The following IL7 variants were observed in gnomAD, a reference collection of about 807,000 sequenced individuals.
IL7 encodes the protein interleukin 7, also known as interleukin-7.
IL7 carries 3 observed loss-of-function variants against 21.6 expected under a neutral mutation model. That is an observed-to-expected ratio of 0.14 (90% CI 0.06 to 0.36). The LOEUF (loss-of-function observed/expected upper bound fraction) is 0.36. IL7 is among the 10% of genes least tolerant of loss of function. The pLI, the probability that IL7 is intolerant of heterozygous loss-of-function variation, is 1.00. For synonymous variants in IL7, 62 were observed against 68.1 expected (o/e 0.91, Z 0.44); for missense variants, 175 against 200.2 (o/e 0.87, Z 0.76).
At chr8:78,754,001 C>T (rs1031737879) in intron 2 of IL7, among the ~76,000 whole-genome samples, 1 of 152,026 alleles carries the variant, frequency 6.6e-6, no homozygotes, top group Non-Finnish European at 1.5e-5. Context: ...ACAAGGATGC[C>T]CTCTCTCACC....
chr8:78,798,268 G>A, intron 1 of IL7, 60 bp from the exon 2 acceptor site: 1 of 1,203,088 alleles, frequency 8.3e-7, no homozygotes, highest in Non-Finnish European at 1.2e-6. Flanking sequence ...TTTGATTGTG[G>A]GGTTTCAATG....
chr8:78,756,357 C>T (rs1215939074), intron 2 of IL7, among the ~76,000 whole-genome samples: 1 of 151,792 alleles, frequency 6.6e-6, no homozygotes, highest in African/African-American at 2.4e-5. Context: ...CTCTCCTTTT[C>T]GTTTTTTTCT....
intron 4 of IL7, among the ~76,000 whole-genome samples, chr8:78,677,736 G>T (rs1052014387): frequency 6.6e-6 from 1 of 151,938 alleles, no homozygotes; most frequent in African/African-American, 2.4e-5. Flanking sequence ...ACAGAAAAAG[G>T]GTCCCAATCC....
chr8:78,727,582 A>G (rs1462488154), intron 3 of IL7, among the ~76,000 whole-genome samples: 1 of 152,060 alleles, frequency 6.6e-6, no homozygotes, highest in African/African-American at 2.4e-5. Flanking sequence ...ATAACTCTTT[A>G]TGACTATTAA....
chr8:78,793,889 A>G (rs1336078608), intron 2 of IL7, among the ~76,000 whole-genome samples: 2 of 152,152 alleles, frequency 1.3e-5, no homozygotes, highest in Non-Finnish European at 2.9e-5. Context: ...TGTTCACAGC[A>G]TCTTTACTCA....
intron 4 of IL7, among the ~76,000 whole-genome samples, chr8:78,680,548 G>A (rs1034214708): frequency 6.6e-6 from 1 of 152,154 alleles, no homozygotes; most frequent in Non-Finnish European, 1.5e-5. Flanking sequence ...TGTAAGTGTA[G>A]TTCTTAATAT....
At chr8:78,680,166 A>C (rs1020301559) in intron 4 of IL7, among the ~76,000 whole-genome samples, 3 of 152,114 alleles carry the variant, frequency 2.0e-5, no homozygotes, top group Admixed American at 6.6e-5. Context: ...GATTTCAATG[A>C]ATATTAGTCA....
intron 2 of IL7, among the ~76,000 whole-genome samples, chr8:78,757,383 G>A (rs574416394): frequency 7.7e-4 from 117 of 152,026 alleles, no homozygotes; most frequent in Non-Finnish European, 1.1e-3. Flanking sequence ...AAAATATTAC[G>A]TAAATACCTG....
chr8:78,739,890 G>C (rs1811721402), intron 3 of IL7, 112 bp downstream of exon 3: 1 of 940,146 alleles, frequency 1.1e-6, no homozygotes, highest in African/African-American at 1.7e-5. Flanking sequence ...GGAATTATGT[G>C]ATCAGGCTGC....
chr8:78,739,968 G>A (rs1245723401), intron 3 of IL7, 34 bp downstream of exon 3: 1 of 1,486,638 alleles, frequency 6.7e-7, no homozygotes, highest in Non-Finnish European at 8.9e-7. Flanking sequence ...ATAAAATCAA[G>A]CTTGAATGAC....
intron 3 of IL7, among the ~76,000 whole-genome samples, chr8:78,692,657 TG>T (rs1810248666): frequency 6.6e-6 from 1 of 152,084 alleles, no homozygotes; most frequent in African/African-American, 2.4e-5. Context: ...GTAATCTTTT[TG>T]TTGTAATTGC....
At chr8:78,757,191 G>T (rs898568006) in intron 2 of IL7, among the ~76,000 whole-genome samples, 9 of 151,756 alleles carry the variant, frequency 5.9e-5, no homozygotes, top group Non-Finnish European at 1.0e-4. Flanking sequence ...TATTTGTACA[G>T]TTTCCAAAAT....
At chr8:78,749,892 C>A (rs1040076057) in intron 2 of IL7, among the ~76,000 whole-genome samples, 1 of 151,974 alleles carries the variant, frequency 6.6e-6, no homozygotes, top group African/African-American at 2.4e-5. Flanking sequence ...AAAAAATTAG[C>A]CATGCATGGT....
chr8:78,675,376 C>G (rs1004128365), downstream of IL7, among the ~76,000 whole-genome samples: 13 of 151,882 alleles, frequency 8.6e-5, no homozygotes, highest in Non-Finnish European at 1.8e-4. Flanking sequence ...TTCAAATCAT[C>G]TCAGGAAGTC....
rs980182972 is a variant in IL7 at position 78,804,112 on chromosome 8, G to A, written c.10+801C>T. Among the ~76,000 whole-genome samples, 23 of 151,798 alleles carry A rather than the reference G, an allele frequency of 1.5e-4. 1 individual carries two copies. Among genetic ancestry groups the A allele is most frequent in the Admixed American group, 1.5e-3 (23 of 15,234 alleles). On this transcript the variant is annotated intron_variant, in intron 1 of 5. Transcript: ENST00000263851. ...TTTGGCTCTTTCATTGGTCATATAT[G>A]ACTGCCATCCGAATCCAACCCTCCT...
chr8:78,743,785 A>T (rs566840882), intron 2 of IL7, among the ~76,000 whole-genome samples: 2 of 151,876 alleles, frequency 1.3e-5, no homozygotes, highest in East Asian at 3.9e-4. Context: ...TCAATGTTCG[A>T]CGTTGCCTAC....
downstream of IL7, among the ~76,000 whole-genome samples, chr8:78,717,097 G>A (rs971654181): frequency 6.6e-6 from 1 of 151,918 alleles, no homozygotes; most frequent in Non-Finnish European, 1.5e-5. Context: ...CAGAAAGCAT[G>A]GCTGCATTTG....
chr8:78,739,914 A>C, intron 3 of IL7, 88 bp downstream of exon 3: 2 of 1,122,730 alleles, frequency 1.8e-6, no homozygotes, highest in Non-Finnish European at 2.4e-6. Flanking sequence ...TATTAATAGT[A>C]TTCATATAAT....
intron 2 of IL7, among the ~76,000 whole-genome samples, chr8:78,770,674 T>C (rs1586089125): frequency 6.6e-6 from 1 of 151,860 alleles, no homozygotes; most frequent in Non-Finnish European, 1.5e-5. Context: ...CACAGACCAA[T>C]ATGCAAAGAC....
Sources: gnomAD v4.1 joint callset for allele counts (sites outside exome capture counted in the v4.1 genomes callset) on GRCh38, gnomAD v4.1.1 for gene constraint, MANE v1.5 for transcripts, NCBI Gene and HGNC (gene_info 2026-07-23, HGNC 2026-07-21) for gene names.